Variants in SIPA1L3 observed in about 807,000 individuals in gnomAD.
SIPA1L3 encodes the protein signal induced proliferation associated 1 like 3, also known as signal-induced proliferation-associated 1-like protein 3.
SIPA1L3 carries 59 observed loss-of-function variants against 150.1 expected under a neutral mutation model. That is an observed-to-expected ratio of 0.39 (90% CI 0.32 to 0.49). The LOEUF (loss-of-function observed/expected upper bound fraction) is 0.49. Among genes scored for constraint, SIPA1L3 ranks in the 20% least tolerant of loss-of-function variants. The pLI is 0.86. For missense variants in SIPA1L3, 2,211 were observed against 2,489.5 expected, an observed-to-expected ratio of 0.89 and a Z score of 2.38; for synonymous variants, 1,070 against 1,077.6, an observed-to-expected ratio of 0.99 and a Z score of 0.14.
chr19:38,030,029 A>G (rs1191121338), intron 2 of SIPA1L3, among the ~76,000 whole-genome samples: 2 of 151,386 alleles, frequency 1.3e-5, no homozygotes, highest in Non-Finnish European at 2.9e-5. Context: ...TGATTTTTGT[A>G]TTTTTGTAGA....
At chr19:37,983,772 G>A (rs1011216973) in intron 1 of SIPA1L3, among the ~76,000 whole-genome samples, 2 of 151,960 alleles carry the variant, frequency 1.3e-5, no homozygotes, top group Non-Finnish European at 2.9e-5. Context: ...TGGGCGTGGT[G>A]GCATGCATCT....
At chr19:38,126,138 C>T (rs1200156888) in intron 9 of SIPA1L3, among the ~76,000 whole-genome samples, 1 of 152,078 alleles carries the variant, frequency 6.6e-6, no homozygotes, top group Non-Finnish European at 1.5e-5. Flanking sequence ...TGCACCACTG[C>T]ACTCCAGCAC....
At chr19:38,192,096 T>C in intron 16 of SIPA1L3, 49 bp from the exon 17 acceptor site, 1 of 1,521,830 alleles carries the variant, frequency 6.6e-7, no homozygotes, top group Non-Finnish European at 8.8e-7. Flanking sequence ...CTTTGAAAAG[T>C]GGCTTGAGCC....
At chr19:38,068,743 G>A (rs1273255156) in intron 2 of SIPA1L3, among the ~76,000 whole-genome samples, 1 of 152,154 alleles carries the variant, frequency 6.6e-6, no homozygotes, top group Non-Finnish European at 1.5e-5. Context: ...TGTAGTCCCA[G>A]CTACTCAAGA....
chr19:38,174,097 C>A (rs1972387886), intron 15 of SIPA1L3, among the ~76,000 whole-genome samples: 1 of 152,086 alleles, frequency 6.6e-6, no homozygotes, highest in Non-Finnish European at 1.5e-5. Flanking sequence ...GGGAAGGATG[C>A]AGGAGGAAGA....
At chr19:38,126,134 A>G (rs1971166261) in intron 9 of SIPA1L3, among the ~76,000 whole-genome samples, 1 of 152,038 alleles carries the variant, frequency 6.6e-6, no homozygotes, top group Non-Finnish European at 1.5e-5. Context: ...AGATTGCACC[A>G]CTGCACTCCA....
At chr19:38,015,674 T>G (rs922467977) in intron 1 of SIPA1L3, among the ~76,000 whole-genome samples, 1 of 141,316 alleles carries the variant, frequency 7.1e-6, no homozygotes, top group African/African-American at 2.7e-5. Context: ...CAGTGAGCTG[T>G]GATCAGGTCA....
At chr19:37,914,558 A>G (rs2046401217) in intron 1 of SIPA1L3, among the ~76,000 whole-genome samples, 1 of 151,798 alleles carries the variant, frequency 6.6e-6, no homozygotes, top group Admixed American at 6.6e-5. Flanking sequence ...TACTTTTAAT[A>G]GAGGAGACAG....
intron 1 of SIPA1L3, among the ~76,000 whole-genome samples, chr19:37,918,871 AAAATAAATAAATAAATAAATAAAT>A (rs56883776): frequency 7.1e-6 from 1 of 140,214 alleles, no homozygotes; most frequent in African/African-American, 2.7e-5. Flanking sequence ...ACTCGGTCTC[AAAATAAATAAATAAATAAATAAAT>A]AAATAAATAA....
intron 15 of SIPA1L3, among the ~76,000 whole-genome samples, chr19:38,168,940 G>A (rs1311182743): frequency 1.3e-5 from 2 of 152,184 alleles, no homozygotes; most frequent in Non-Finnish European, 2.9e-5. Flanking sequence ...GGTGCTTGAG[G>A]TGATTTGGGT....
chr19:38,046,208 G>T lies in SIPA1L3; in HGVS notation c.-311+17052G>T, dbSNP rs991602838. ...CCTCTAGGAAAGAAGCAGCTTGCTG[G>T]TCCATCCCAGGCTGCTGGGAGGCCC... On this transcript the variant is annotated intron_variant, in intron 2 of 21. Transcript: ENST00000222345. This position sits in a 1 kb window ranked among gnomAD's most constrained non-coding sequence, Gnocchi z 5.6. 1.8e-4 allele frequency among the ~76,000 whole-genome samples: 27 copies of T among 152,216 alleles called. No homozygotes were observed. The highest frequency in any genetic ancestry group is 6.3e-4 in the African/African-American group (26 of 41,544).
chr19:37,974,206 G>C (rs1489739771), intron 1 of SIPA1L3, among the ~76,000 whole-genome samples: 1 of 152,076 alleles, frequency 6.6e-6, no homozygotes, highest in Non-Finnish European at 1.5e-5. Context: ...GGGACTCATC[G>C]ACCTCCTCAA....
At chr19:38,001,236 T>C (rs1180724609) in intron 1 of SIPA1L3, among the ~76,000 whole-genome samples, 5 of 151,844 alleles carry the variant, frequency 3.3e-5, no homozygotes, top group African/African-American at 1.2e-4. Context: ...TTCCTTAAGG[T>C]GTACTTGAGG....
chr19:38,076,725 G>C (rs1305342158), intron 2 of SIPA1L3, among the ~76,000 whole-genome samples: 1 of 152,134 alleles, frequency 6.6e-6, no homozygotes, highest in Non-Finnish European at 1.5e-5. Context: ...TGCTTGATAT[G>C]TGCCATCGAT....
chr19:38,121,682 T>C (rs1335804424), intron 9 of SIPA1L3, among the ~76,000 whole-genome samples: 2 of 151,882 alleles, frequency 1.3e-5, no homozygotes, highest in Non-Finnish European at 2.9e-5. Flanking sequence ...GAGGTTGCAG[T>C]GAGCCGAGAC....
At chr19:38,142,762 C>A in intron 12 of SIPA1L3, 52 bp downstream of exon 12, 1 of 1,563,484 alleles carries the variant, frequency 6.4e-7, no homozygotes, top group Non-Finnish European at 8.7e-7. Flanking sequence ...AAAGCTGTGC[C>A]TCCTTCTTCC....
rs547176652 is a variant in SIPA1L3, at chr19:37,960,003, G to T, written c.-379+52645G>T. Among the ~76,000 whole-genome samples the T allele has an allele frequency of 5.9e-5, 9 of 151,542 alleles. No homozygotes were observed. The East Asian group carries it at 1.7e-3, about 29-fold the overall frequency. On this transcript the variant is annotated intron_variant, in intron 1 of 21. Transcript: ENST00000222345. ...CACATGTTACAAGCCCCACAGTATG[G>T]TTTTATAATTATTTTATGAAATCTT... is the stretch of plus-strand genomic sequence containing the variant.
intron 15 of SIPA1L3, among the ~76,000 whole-genome samples, chr19:38,178,138 T>TGTGTGTG (rs1409100266): frequency 7.3e-6 from 1 of 136,128 alleles, no homozygotes; most frequent in Non-Finnish European, 1.6e-5. Context: ...TGTGTGTGTG[T>TGTGTGTG]TTTGTAGCTA....
At chr19:37,995,917 G>A (rs761635891) in intron 1 of SIPA1L3, among the ~76,000 whole-genome samples, 3 of 152,130 alleles carry the variant, frequency 2.0e-5, no homozygotes, top group Admixed American at 6.6e-5. Context: ...AGAGTCTTCA[G>A]TGGTTTGTTT....
Sources: allele counts gnomAD v4.1 joint callset (sites outside exome capture counted in the v4.1 genomes callset), GRCh38; gene constraint gnomAD v4.1.1; non-coding constraint Gnocchi (gnomAD v3.1); transcripts MANE v1.5; gene names NCBI Gene and HGNC (gene_info 2026-07-23, HGNC 2026-07-21).